STK3: variants seen among roughly 807,000 people sequenced by gnomAD.
The protein encoded by STK3 is serine/threonine-protein kinase 3.
Under a neutral mutation model 58.0 loss-of-function variants are expected in STK3, and 41 were observed. The observed-to-expected ratio is 0.71, with a 90% confidence interval of 0.55 to 0.92. STK3 has a LOEUF of 0.92. STK3 is among the 40% of genes least tolerant of loss of function. The pLI is 0.00. For synonymous variants in STK3, 170 were observed against 191.0 expected, an observed-to-expected ratio of 0.89 and a Z score of 0.91; for missense variants, 479 against 602.7, an observed-to-expected ratio of 0.79 and a Z score of 2.15.
chr8:98,581,917 T>TA (rs1813929526), intron 7 of STK3, among the ~76,000 whole-genome samples: 1 of 152,120 alleles, frequency 6.6e-6, no homozygotes, highest in South Asian at 2.1e-4. Flanking sequence ...AAAATATGGT[T>TA]ACTCAATCTG....
intron 6 of STK3, among the ~76,000 whole-genome samples, chr8:98,607,486 C>T (rs777638180): frequency 2.0e-5 from 3 of 152,056 alleles, no homozygotes; most frequent in Non-Finnish European, 2.9e-5. Flanking sequence ...TGTGAATTCA[C>T]AAAAAAGACA....
At chr8:98,940,762 C>A (rs1430546871) in intron 1 of STK3, among the ~76,000 whole-genome samples, 1 of 152,220 alleles carries the variant, frequency 6.6e-6, no homozygotes, top group Non-Finnish European at 1.5e-5. Flanking sequence ...GAACTGGTAT[C>A]TTTCTCCTCC....
intron 3 of STK3, among the ~76,000 whole-genome samples, chr8:98,751,856 C>T (rs1830007021): frequency 6.6e-6 from 1 of 152,120 alleles, no homozygotes; most frequent in Non-Finnish European, 1.5e-5. Context: ...AGGAAAATCA[C>T]TTGAACTCAG....
At chr8:98,824,896 A>C (rs1343421432) in intron 1 of STK3, among the ~76,000 whole-genome samples, 1 of 152,214 alleles carries the variant, frequency 6.6e-6, no homozygotes, top group East Asian at 1.9e-4. Flanking sequence ...GGAGAGAGGA[A>C]TACATATTAT....
At chr8:98,812,112 T>C (rs1383807530) in intron 1 of STK3, among the ~76,000 whole-genome samples, 2 of 151,764 alleles carry the variant, frequency 1.3e-5, no homozygotes, top group African/African-American at 4.8e-5. Flanking sequence ...GCCTGGCCAT[T>C]TTTTTTTTCA....
At chr8:98,795,374 C>T (rs1288060765) in intron 1 of STK3, among the ~76,000 whole-genome samples, 2 of 143,380 alleles carry the variant, frequency 1.4e-5, no homozygotes, top group Non-Finnish European at 3.0e-5. Flanking sequence ...ACAAACTAGA[C>T]ATCAAAGGAA....
In STK3 at chr8:98,695,464, A is replaced by G. The variant is rs201125460; in HGVS notation, c.684+11003T>C. Among the ~76,000 whole-genome samples the G allele has an allele frequency of 9.2e-3, 1,394 of 152,038 alleles. 16 individuals are homozygous for G. The highest frequency in any genetic ancestry group is 0.032 in the African/African-American group (1,313 of 41,476). On this transcript the variant is annotated intron_variant, in intron 6 of 10. Transcript: ENST00000419617. ...GGTAATGCCTAGGTTTTCTTCTAGG[A>G]TTTTTATGGTTTTAGGTCTAACGTT...
chr8:98,458,515 A>G (rs1184269896), intron 10 of STK3, among the ~76,000 whole-genome samples: 2 of 141,656 alleles, frequency 1.4e-5, no homozygotes, highest in African/African-American at 2.7e-5. Context: ...CTGTTGGTAT[A>G]TAATAGTGCT....
intron 6 of STK3, among the ~76,000 whole-genome samples, chr8:98,653,821 T>C (rs1311585042): frequency 1.9e-4 from 28 of 149,826 alleles, no homozygotes; most frequent in East Asian, 5.9e-4. Context: ...TAACAGGCTC[T>C]GAAATTGAGG....
At chr8:98,469,255 GGGC>G (rs921912819) in intron 10 of STK3, among the ~76,000 whole-genome samples, 100 of 138,262 alleles carry the variant, frequency 7.2e-4, no homozygotes, top group Middle Eastern at 3.5e-3. Context: ...TTCTTTGCGG[GGGC>G]GGGGGGGCGG....
At chr8:98,910,656 G>A (rs973776467) in intron 1 of STK3, among the ~76,000 whole-genome samples, 3 of 152,174 alleles carry the variant, frequency 2.0e-5, no homozygotes, top group Non-Finnish European at 4.4e-5. Flanking sequence ...CATGTAGCCC[G>A]CATTATTGGA....
intron 9 of STK3, among the ~76,000 whole-genome samples, chr8:98,544,940 C>A (rs1563724731): frequency 6.6e-6 from 1 of 152,126 alleles, no homozygotes. Context: ...AATCTAGCCA[C>A]AGCTCTGTAA....
Position 98,601,183 on chromosome 8 carries a change from T to C in STK3, c.685-5014A>G, listed in dbSNP as rs1816317708. On this transcript the variant is annotated intron_variant, in intron 6 of 10. Transcript: ENST00000419617. ...CAATGAGATCCTGACTCTATTTAAA[T>C]ATATATACATATATTTAAAAGTATT... is the stretch of plus-strand genomic sequence containing the variant. Among the ~76,000 whole-genome samples the C allele has an allele frequency of 1.3e-5, 2 of 152,014 alleles. 1 individual carries two copies. The highest frequency in any genetic ancestry group is 4.1e-4 in the South Asian group (2 of 4,824).
chr8:98,583,539 G>T (rs1165213974), intron 7 of STK3, among the ~76,000 whole-genome samples: 1 of 152,162 alleles, frequency 6.6e-6, no homozygotes, highest in Non-Finnish European at 1.5e-5. Flanking sequence ...AGCAGCCCAG[G>T]AAGCATCAGC....
At chr8:98,898,151 G>A (rs1489152646) in intron 1 of STK3, among the ~76,000 whole-genome samples, 5 of 152,232 alleles carry the variant, frequency 3.3e-5, no homozygotes, top group African/African-American at 1.2e-4. Context: ...CATCCTCCAT[G>A]TCCCTAGCTG....
At chr8:98,840,366 A>G (rs1835922663) in intron 3 of STK3, among the ~76,000 whole-genome samples, 1 of 148,026 alleles carries the variant, frequency 6.8e-6, no homozygotes, top group South Asian at 2.1e-4. Context: ...AAAAAAAAAA[A>G]AAAAAGACCA....
In STK3 at chr8:98,439,533, G is replaced by A. The variant is rs759712163; in HGVS notation, n.186-2325C>T. ...TCCCCTCAGGTAATGACTAATGCAC[G>A]AACCAGTTCCCAGGTGAATAATGTC... is the stretch of plus-strand genomic sequence containing the variant. On this transcript the variant is annotated intron_variant and non_coding_transcript_variant, in intron 1 of 3. Transcript: ENST00000517832. Among the ~76,000 whole-genome samples the A allele has an allele frequency of 2.6e-5, 4 of 152,128 alleles. No individual in the cohort carries two copies. The South Asian group carries it at 6.2e-4, about 24-fold the overall frequency.
downstream of STK3, among the ~76,000 whole-genome samples, chr8:98,397,401 TA>T (rs1817905640): frequency 2.0e-5 from 3 of 152,098 alleles, no homozygotes; most frequent in Admixed American, 1.3e-4. Flanking sequence ...AGGGGGCGGA[TA>T]GCAGGTGCTT....
intron 6 of STK3, among the ~76,000 whole-genome samples, chr8:98,620,083 T>C (rs1197829928): frequency 2.7e-5 from 2 of 72,882 alleles, no homozygotes; most frequent in East Asian, 7.3e-4. Flanking sequence ...CCAACAATGA[T>C]AGACTGGATT....
Sources: allele counts gnomAD v4.1 joint callset (sites outside exome capture counted in the v4.1 genomes callset), GRCh38; gene constraint gnomAD v4.1.1; transcripts MANE v1.5; gene names NCBI Gene and HGNC (gene_info 2026-07-23, HGNC 2026-07-21).